The following HSD17B6 variants were observed in gnomAD, a reference collection of about 807,000 sequenced individuals.
The protein encoded by HSD17B6 is hydroxysteroid 17-beta dehydrogenase 6.
In HSD17B6, 16 loss-of-function variants were observed where a neutral mutation model predicts 26.4. The ratio of observed to expected loss-of-function variants is 0.61; its 90% CI spans 0.41 to 0.92. The LOEUF (loss-of-function observed/expected upper bound fraction) is 0.92, where lower values mean the gene tolerates loss of function less well. Among genes scored for constraint, HSD17B6 ranks in the 40% least tolerant of loss-of-function variants. The pLI is 0.00. For missense variants in HSD17B6, 357 were observed against 386.1 expected (o/e 0.92, Z 0.63); for synonymous variants, 139 against 153.0 (o/e 0.91, Z 0.68).
At chr12:56,769,829 A>G (rs1025220954) in intron 1 of HSD17B6, among the ~76,000 whole-genome samples, 3 of 152,106 alleles carry the variant, frequency 2.0e-5, no homozygotes, top group African/African-American at 7.2e-5. Flanking sequence ...AGGCACATTC[A>G]GGTTTGGCCT....
chr12:56,783,335 CCCGGACGGGGCGG>C (rs1954774302), intron 3 of HSD17B6, among the ~76,000 whole-genome samples: 1 of 138,936 alleles, frequency 7.2e-6, no homozygotes, highest in East Asian at 2.3e-4. Flanking sequence ...CCACCTCCCT[CCCGGACGGGGCGG>C]CTGGCCGGGC....
intron 1 of HSD17B6, among the ~76,000 whole-genome samples, chr12:56,773,340 G>A (rs949739069): frequency 7.9e-5 from 12 of 152,128 alleles, no homozygotes; most frequent in Non-Finnish European, 5.9e-5. Context: ...TCCAGATTCC[G>A]TAGTGTGGCT....
rs1355945126 is a variant in HSD17B6 at position 56,783,240 on chromosome 12, T to A, written c.572+1008T>A. On this transcript the variant is annotated intron_variant, in intron 3 of 4. Transcript: ENST00000322165. ...CGGCCGGGCAGAGGCGCCCCTCACCTCCCGGACGGGGTGGCCGGGCGGGGG... is the reference window on the plus strand; with the variant it reads ...CGGCCGGGCAGAGGCGCCCCTCACCACCCGGACGGGGTGGCCGGGCGGGGG... Among the ~76,000 whole-genome samples, 12 of 149,936 alleles carry A rather than the reference T, an allele frequency of 8.0e-5. No individual in the cohort carries two copies. In the South Asian group the frequency reaches 2.5e-3, roughly 32 times the overall value.
At chr12:56,782,321 A>G in intron 3 of HSD17B6, 89 bp downstream of exon 3, 12 of 1,220,206 alleles carry the variant, frequency 9.8e-6, no homozygotes, top group African/African-American at 1.5e-5. Context: ...TTATTTCATC[A>G]CTCCTCAAAT....
chr12:56,770,762 G>T (rs992313021), intron 1 of HSD17B6, among the ~76,000 whole-genome samples: 3 of 152,096 alleles, frequency 2.0e-5, no homozygotes, highest in Admixed American at 6.6e-5. Context: ...CCACAATGGG[G>T]ACACTAAGGA....
At chr12:56,784,377 C>G (rs1354319561) in intron 3 of HSD17B6, among the ~76,000 whole-genome samples, 1 of 152,224 alleles carries the variant, frequency 6.6e-6, no homozygotes, top group African/African-American at 2.4e-5. Context: ...TGCACTCCAG[C>G]CTGGGCACCA....
chr12:56,769,858 A>G (rs753687333), intron 1 of HSD17B6, among the ~76,000 whole-genome samples: 12 of 140,954 alleles, frequency 8.5e-5, no homozygotes, highest in Non-Finnish European at 1.7e-4. Flanking sequence ...GGATTCCGCC[A>G]GGTGTATCTC....
Position 56,784,989 on chromosome 12 carries a change from A to G in HSD17B6, c.709A>G (p.Thr237Ala). Residue 237 changes from threonine (T) to alanine (A), a missense_variant, in exon 4 of 5, where the codon ACC (threonine) becomes GCC (alanine). Thr to Ala is a moderately conservative substitution (Grantham distance 58). Transcript: ENST00000322165. Reference protein sequence around the residue: ...WKEAPKHIKETYGQQYFDALY... With the variant: ...WKEAPKHIKEAYGQQYFDALY... ...AGAAGCCCCCAAGCATATTAAGGAG[A>G]CCTATGGACAGCAGTATTTTGATGC... is the stretch of plus-strand genomic sequence containing the variant. 1.2e-6 allele frequency: 2 copies of G among 1,613,362 alleles called. No individual in the cohort carries two copies. Among genetic ancestry groups the G allele is most frequent in the Non-Finnish European group, 1.7e-6 (2 of 1,179,868 alleles).
At position 56,787,271 on chromosome 12, in the gene HSD17B6, T is replaced by C. The variant is rs375879886; in HGVS notation, c.883T>C (p.Ser295Pro). 6.2e-7 allele frequency: 1 copy of C among 1,614,070 alleles called. No homozygotes were observed. Among genetic ancestry groups the C allele is most frequent in the African/African-American group, 1.3e-5 (1 of 74,920 alleles). The part of the protein sequence containing the change: ...WDAKFFFIPL[S>P]YLPTSLADYI... ...TGCTAAATTTTTCTTCATCCCTCTA[T>C]CTTATTTACCTACATCACTGGCAGA... The change falls in exon 5 of 5, where the codon TCT becomes CCT. Residue 295 changes from serine to proline, a missense_variant. Ser to Pro is a moderately conservative substitution (Grantham distance 74, BLOSUM62 -1). Transcript: ENST00000322165.
Position 56,774,042 on chromosome 12 carries a change from A to G in HSD17B6, c.190A>G (p.Lys64Glu). Residue 64 changes from lysine (K) to glutamate (E), a missense_variant, in exon 2 of 5, where the codon AAG (lysine) becomes GAG (glutamate). By Grantham distance (56) the Lys-to-Glu change is moderately conservative (BLOSUM62 1). Transcript: ENST00000322165. ...AGTGCTGGCTGCGTGTCTGACGGAG[A>G]AGGGGGCCGAGCAGCTGAGGGGCCA... is the stretch of plus-strand genomic sequence containing the variant. ...LRVLAACLTE[K>E]GAEQLRGQTS... The G allele has an allele frequency of 6.2e-7, 1 of 1,614,048 alleles. No homozygotes were observed. Among genetic ancestry groups the G allele is most frequent in the East Asian group, 2.2e-5 (1 of 44,882 alleles).
intron 2 of HSD17B6, among the ~76,000 whole-genome samples, chr12:56,781,591 C>A (rs1954714502): frequency 6.6e-6 from 1 of 152,088 alleles, no homozygotes; most frequent in Non-Finnish European, 1.5e-5. Context: ...ATCACGAGGT[C>A]AAGAGATGGA....
At chr12:56,782,783 G>A (rs1954754371) in intron 3 of HSD17B6, among the ~76,000 whole-genome samples, 1 of 151,980 alleles carries the variant, frequency 6.6e-6, no homozygotes, top group African/African-American at 2.4e-5. Flanking sequence ...AAGGTCTCTG[G>A]TTTTCCTAGG....
intron 4 of HSD17B6, among the ~76,000 whole-genome samples, chr12:56,785,556 C>T (rs76812133): frequency 0.073 from 11,043 of 152,266 alleles, 647 homozygotes; most frequent in African/African-American, 0.17. Flanking sequence ...TGATGACTAT[C>T]ATGGTTGAGG....
chr12:56,783,464 C>T (rs1254974232), intron 3 of HSD17B6, among the ~76,000 whole-genome samples: 2 of 144,028 alleles, frequency 1.4e-5, no homozygotes, highest in East Asian at 2.1e-4. Flanking sequence ...CCTCACCTCC[C>T]GGATGGGGCA....
rs1429588959 is a variant in HSD17B6, at chr12:56,782,179, A to G, written c.519A>G (p.Val173=). The change falls in exon 3 of 5, where the codon GTA becomes GTG. Residue 173 remains valine, a synonymous_variant. Transcript: ENST00000322165. ...SSILGRVAFF[V]GGYCVSKYGV... is the part of the protein sequence containing the mutation. Reference sequence around the variant, plus strand: ...TTCTGGGAAGAGTTGCTTTCTTTGTAGGAGGCTACTGTGTCTCCAAGTATG... The same window carrying G: ...TTCTGGGAAGAGTTGCTTTCTTTGTGGGAGGCTACTGTGTCTCCAAGTATG... 11 of 1,614,186 alleles carry G rather than the reference A, an allele frequency of 6.8e-6. No homozygotes were observed. The Admixed American group carries it at 1.8e-4, about 27-fold the overall frequency.
At chr12:56,770,765 A>C (rs1255449447) in intron 1 of HSD17B6, among the ~76,000 whole-genome samples, 1 of 152,124 alleles carries the variant, frequency 6.6e-6, no homozygotes, top group Non-Finnish European at 1.5e-5. Flanking sequence ...CAATGGGGAC[A>C]CTAAGGAGGG....
chr12:56,787,045 T>A, intron 4 of HSD17B6, 80 bp from the exon 5 acceptor site: 2 of 1,031,608 alleles, frequency 1.9e-6, no homozygotes, highest in South Asian at 2.9e-5. Context: ...AAATTAGATG[T>A]GGTGAGACTT....
chr12:56,783,119 C>T (rs1298811420), intron 3 of HSD17B6, among the ~76,000 whole-genome samples: 2 of 152,254 alleles, frequency 1.3e-5, no homozygotes. Context: ...CACAAAACCG[C>T]CATCGTCATC....
intron 3 of HSD17B6, among the ~76,000 whole-genome samples, chr12:56,782,831 G>A (rs1257028234): frequency 1.3e-5 from 2 of 152,038 alleles, no homozygotes; most frequent in African/African-American, 4.8e-5. Flanking sequence ...AGATTAGGGA[G>A]TGGTGATGAC....
Sources: gnomAD v4.1 joint callset for allele counts (sites outside exome capture counted in the v4.1 genomes callset) on GRCh38, gnomAD v4.1.1 for gene constraint, MANE v1.5 for transcripts, NCBI Gene and HGNC (gene_info 2026-07-23, HGNC 2026-07-21) for gene names.